The following DDHD2 variants were observed in gnomAD, a reference collection of about 807,000 sequenced individuals.
The protein encoded by DDHD2 is triacylglycerol hydrolase DDHD2.
Under a neutral mutation model 91.2 loss-of-function variants are expected in DDHD2, and 62 were observed. That is an observed-to-expected ratio of 0.68 (90% CI 0.55 to 0.84). DDHD2 has a LOEUF of 0.84. Among genes scored for constraint, DDHD2 ranks in the 40% least tolerant of loss-of-function variants. The pLI, the probability that DDHD2 is intolerant of heterozygous loss-of-function variation, is 0.00. For synonymous variants in DDHD2, 271 were observed against 293.9 expected, an observed-to-expected ratio of 0.92 and a Z score of 0.80; for missense variants, 740 against 846.9, an observed-to-expected ratio of 0.87 and a Z score of 1.57.
At chr8:38,249,470 T>C (rs2130833303) in intron 10 of DDHD2, among the ~76,000 whole-genome samples, 2 of 151,994 alleles carry the variant, frequency 1.3e-5, no homozygotes, top group African/African-American at 4.8e-5. Context: ...TTTTTTTTTT[T>C]TTTAACAATA....
chr8:38,248,958 A>C (rs1017886424), intron 10 of DDHD2, among the ~76,000 whole-genome samples: 2 of 151,420 alleles, frequency 1.3e-5, no homozygotes, highest in Non-Finnish European at 2.9e-5. Context: ...AAAAAAAAAA[A>C]AAAACGATGA....
intron 16 of DDHD2, among the ~76,000 whole-genome samples, chr8:38,256,069 A>G (rs988729140): frequency 2.0e-5 from 3 of 152,160 alleles, no homozygotes; most frequent in Admixed American, 6.6e-5. Flanking sequence ...TACACATTTG[A>G]TGAGTTTTGA....
At chr8:38,269,306 G>A in intron 1 of DDHD2, 4 of 1,185,296 alleles carry the variant, frequency 3.4e-6, no homozygotes, top group African/African-American at 3.3e-5. Context: ...GCGCTCCGGC[G>A]GCTCCCCAGG....
At chr8:38,232,618 G>T (rs1336046191) in intron 1 of DDHD2, among the ~76,000 whole-genome samples, 1 of 152,254 alleles carries the variant, frequency 6.6e-6, no homozygotes. Flanking sequence ...AGCTGACTTG[G>T]AGTAAATTTT....
intron 3 of DDHD2, 141 bp from the exon 4 acceptor site, chr8:38,237,397 C>T: frequency 1.9e-6 from 1 of 513,120 alleles, no homozygotes; most frequent in South Asian, 2.1e-5. Context: ...ACAACAACAA[C>T]AAAAAGATTT....
downstream of DDHD2, among the ~76,000 whole-genome samples, chr8:38,265,895 T>A (rs937554801): frequency 2.6e-5 from 4 of 152,260 alleles, no homozygotes; most frequent in Non-Finnish European, 4.4e-5. Context: ...AAATTTCCTG[T>A]AGATGCAGTT....
intron 10 of DDHD2, among the ~76,000 whole-genome samples, chr8:38,249,457 T>G (rs1262162254): frequency 7.1e-6 from 1 of 141,270 alleles, no homozygotes; most frequent in East Asian, 2.0e-4. Flanking sequence ...ACTTCTCTGT[T>G]TTTTTTTTTT....
At chr8:38,268,996 G>A (rs779854525) in intron 1 of DDHD2, 4 of 1,577,958 alleles carry the variant, frequency 2.5e-6, no homozygotes, top group South Asian at 2.3e-5. Context: ...TCACCCTAGA[G>A]GGGAACAAAG....
chr8:38,246,118 C>A, intron 8 of DDHD2, 115 bp from the exon 9 acceptor site: 2 of 1,093,638 alleles, frequency 1.8e-6, no homozygotes, highest in Non-Finnish European at 2.8e-6. Flanking sequence ...GAAAGAAAGA[C>A]TCCTTGCTGT....
rs149644407 is a variant in DDHD2 at position 38,252,023 on chromosome 8, G to A, written c.1456G>A (p.Gly486Arg). ...RNGDYLDVGIGQVSVKYPRLI... is the reference protein window; with the variant it reads ...RNGDYLDVGIRQVSVKYPRLI... ...TGGTGACTATCTGGATGTTGGCATT[G>A]GGCAGGTAACTAATTCTCTTTGATC... The change falls in exon 12 of 18, where the codon GGG (glycine) becomes AGG (arginine). Residue 486 changes from glycine (G) to arginine (R), a missense_variant. Physicochemically the swap from Gly to Arg is moderately radical, Grantham distance 125 (BLOSUM62 -2). Transcript: ENST00000397166. 6.2e-7 allele frequency: 1 copy of A among 1,612,656 alleles called. No homozygotes were observed. Among genetic ancestry groups the A allele is most frequent in the African/African-American group, 1.3e-5 (1 of 74,900 alleles).
downstream of DDHD2, chr8:38,271,464 A>C (rs150209663): frequency 6.6e-5 from 10 of 152,152 alleles, no homozygotes; most frequent in African/African-American, 2.2e-4. Context: ...CCCCAGGTAA[A>C]AGTTGGTGAG....
intron 2 of DDHD2, among the ~76,000 whole-genome samples, chr8:38,233,422 CTA>C (rs1804448448): frequency 6.6e-6 from 1 of 152,034 alleles, no homozygotes; most frequent in Non-Finnish European, 1.5e-5. Flanking sequence ...AAAACAGTAT[CTA>C]TTATTATTTC....
intron 1 of DDHD2, chr8:38,268,954 G>A: frequency 6.4e-7 from 1 of 1,567,574 alleles, no homozygotes; most frequent in Non-Finnish European, 8.6e-7. Context: ...CCTCCGGCTG[G>A]ATGAGTCTCT....
At chr8:38,242,086 C>T in intron 6 of DDHD2, 164 bp from the exon 7 acceptor site, 1 of 575,920 alleles carries the variant, frequency 1.7e-6, no homozygotes, top group Non-Finnish European at 2.9e-6. Context: ...AACATCTTTT[C>T]CTATATGCAT....
rs377653600 is a variant in DDHD2, at chr8:38,252,711, T to C, written c.1618-11T>C. Reference sequence around the variant, plus strand: ...GCAGAGGTAAATGTAGCTCTTGTTTTTCCTATGTAGTTTGATCCTGTGGCC... The same window carrying C: ...GCAGAGGTAAATGTAGCTCTTGTTTCTCCTATGTAGTTTGATCCTGTGGCC... On this transcript the variant is annotated splice_polypyrimidine_tract_variant and intron_variant, in intron 13 of 17. Transcript: ENST00000397166. 30 of 1,605,820 alleles carry C rather than the reference T, an allele frequency of 1.9e-5. No homozygotes were observed. The African/African-American group carries it at 3.7e-4, about 20-fold the overall frequency.
chr8:38,239,512 C>T (rs972236537), intron 5 of DDHD2, among the ~76,000 whole-genome samples: 1 of 150,536 alleles, frequency 6.6e-6, no homozygotes, highest in Non-Finnish European at 1.5e-5. Context: ...GGTGAAACAC[C>T]CTGTCTCTAC....
chr8:38,253,140 G>A lies in DDHD2; in HGVS notation c.1891+13G>A. 1 of 1,604,190 alleles carries A rather than the reference G, an allele frequency of 6.2e-7. No individual in the cohort carries two copies. Among genetic ancestry groups the A allele is most frequent in the Non-Finnish European group, 8.5e-7 (1 of 1,175,548 alleles). On this transcript the variant is annotated intron_variant, in intron 15 of 17. Coordinates refer to ENST00000397166, the MANE Select transcript of DDHD2 (RefSeq NM_015214.3). ...GAGAAGCCTAGTGGTCAGTGACACTGTACACATTGACCAGCTGCCAGATAA... is the reference window on the plus strand; with the variant it reads ...GAGAAGCCTAGTGGTCAGTGACACTATACACATTGACCAGCTGCCAGATAA...
chr8:38,236,139 A>G (rs1417263623), intron 3 of DDHD2, among the ~76,000 whole-genome samples: 2 of 151,608 alleles, frequency 1.3e-5, no homozygotes, highest in Non-Finnish European at 2.9e-5. Flanking sequence ...CAGCCTCCCA[A>G]GTAGCTGGGA....
intron 8 of DDHD2, 135 bp downstream of exon 8, chr8:38,246,085 G>GTT: frequency 8.8e-7 from 1 of 1,131,682 alleles, no homozygotes; most frequent in East Asian, 2.4e-5. Context: ...TTTGGAAGGG[G>GTT]TTGGAAGGGT....
Sources: gnomAD v4.1 joint callset for allele counts (sites outside exome capture counted in the v4.1 genomes callset) on GRCh38, gnomAD v4.1.1 for gene constraint, MANE v1.5 for transcripts, NCBI Gene and HGNC (gene_info 2026-07-23, HGNC 2026-07-21) for gene names.